TMEM132D: variants seen among roughly 807,000 people sequenced by gnomAD.
TMEM132D encodes mature OL transmembrane protein.
TMEM132D carries 21 observed loss-of-function variants against 62.3 expected under a neutral mutation model. The observed-to-expected ratio is 0.34, with a 90% CI of 0.24 to 0.49. The LOEUF is 0.49. Ranked by LOEUF, TMEM132D falls within the 20% of genes least tolerant of loss-of-function variation. The probability of loss-of-function intolerance (pLI) is 0.99; values close to 1 mark genes in which losing one functional copy is unlikely to be tolerated. For synonymous variants in TMEM132D, 621 were observed against 575.6 expected (o/e 1.08, Z -1.13); for missense variants, 1,346 against 1,402.8 (o/e 0.96, Z 0.65).
chr12:129,326,113 A>G (rs912243993), intron 4 of TMEM132D, among the ~76,000 whole-genome samples: 3 of 152,218 alleles, frequency 2.0e-5, no homozygotes, highest in Admixed American at 6.5e-5. Flanking sequence ...TCAAGCAAAA[A>G]TGCAGCTCAA....
intron 4 of TMEM132D, among the ~76,000 whole-genome samples, chr12:129,268,978 A>T (rs988778028): frequency 7.5e-6 from 1 of 132,712 alleles, no homozygotes; most frequent in South Asian, 2.4e-4. Context: ...GTGAGAACAC[A>T]TGGACATAGG....
chr12:129,560,270 C>CTTTTTTTTTTTT, intron 2 of TMEM132D, among the ~76,000 whole-genome samples: 1 of 146,086 alleles, frequency 6.8e-6, no homozygotes, highest in Non-Finnish European at 1.5e-5. Context: ...CTTTTGTTTT[C>CTTTTTTTTTTTT]TTTTTTTTTT....
At position 129,903,891 on chromosome 12, in the gene TMEM132D, G is replaced by A. The variant is rs1440330678; in HGVS notation, c.-552C>T. ...GCCCCCATCCCAGGCCGGCCGCTGCGCCTCGGGGCTCGGGCGCGCGCGCGC... is the reference window on the plus strand; with the variant it reads ...GCCCCCATCCCAGGCCGGCCGCTGCACCTCGGGGCTCGGGCGCGCGCGCGC... On this transcript the variant is annotated 5_prime_UTR_variant, in exon 1 of 9. Transcript: ENST00000422113. This position sits in a 1 kb window ranked among gnomAD's most constrained non-coding sequence, Gnocchi z 6.2. Among the ~76,000 whole-genome samples the A allele has an allele frequency of 1.4e-5, 2 of 147,070 alleles. No homozygotes were observed. The highest frequency in any genetic ancestry group is 3.0e-5 in the Non-Finnish European group (2 of 66,098).
At chr12:129,310,733 A>G (rs1173947711) in intron 4 of TMEM132D, among the ~76,000 whole-genome samples, 1 of 152,212 alleles carries the variant, frequency 6.6e-6, no homozygotes, top group African/African-American at 2.4e-5. Flanking sequence ...AATTTGTCAG[A>G]GTCATCAGAT....
At position 129,627,963 on chromosome 12, in the gene TMEM132D, C is replaced by T. The variant is rs548192226; in HGVS notation, c.968+71847G>A. ...GATCGCATCACTGTACTCCAGCCTG[C>T]GTGACAAAGTGAGATCTTGTCTCCA... On this transcript the variant is annotated intron_variant, in intron 2 of 8. Coordinates refer to ENST00000422113, the MANE Select transcript of TMEM132D (RefSeq NM_133448.3). Among the ~76,000 whole-genome samples the T allele has an allele frequency of 4.1e-4, 62 of 152,194 alleles. 1 individual carries two copies. Among genetic ancestry groups the T allele is most frequent in the African/African-American group, 1.4e-3 (60 of 41,544 alleles).
chr12:129,638,317 A>C (rs972679033), intron 2 of TMEM132D, among the ~76,000 whole-genome samples: 6 of 151,574 alleles, frequency 4.0e-5, no homozygotes, highest in Non-Finnish European at 5.9e-5. Context: ...TCCAACCTTT[A>C]CCCCCAAATT....
chr12:129,574,563 T>C (rs986665137), intron 2 of TMEM132D, among the ~76,000 whole-genome samples: 1 of 151,870 alleles, frequency 6.6e-6, no homozygotes, highest in Admixed American at 6.6e-5. Context: ...TTCGTGTTTA[T>C]TGAGTTGTTG....
At chr12:129,294,873 C>T (rs1195334031) in intron 4 of TMEM132D, among the ~76,000 whole-genome samples, 1 of 152,120 alleles carries the variant, frequency 6.6e-6, no homozygotes, top group South Asian at 2.1e-4. Context: ...CTGTTTTCTC[C>T]AGTTTGGTGG....
chr12:129,796,280 T>C (rs1274820230), intron 1 of TMEM132D, among the ~76,000 whole-genome samples: 2 of 152,236 alleles, frequency 1.3e-5, no homozygotes, highest in Admixed American at 6.5e-5. Flanking sequence ...ACAATATTTT[T>C]ATTCAGTTTG....
chr12:129,442,044 C>T (rs930971287), intron 3 of TMEM132D, among the ~76,000 whole-genome samples: 11 of 152,162 alleles, frequency 7.2e-5, no homozygotes, highest in African/African-American at 2.4e-5. Context: ...ATGCTCACTT[C>T]CTGGGTGACA....
At chr12:129,187,311 G>A (rs555707141) in intron 5 of TMEM132D, among the ~76,000 whole-genome samples, 147 of 152,290 alleles carry the variant, frequency 9.7e-4, no homozygotes, top group South Asian at 6.4e-3. Context: ...ACAAAATTGG[G>A]AGGATTTATT....
chr12:129,546,050 G>C (rs559299175), intron 2 of TMEM132D, among the ~76,000 whole-genome samples: 9 of 152,184 alleles, frequency 5.9e-5, no homozygotes, highest in African/African-American at 1.9e-4. Flanking sequence ...AGGTGCAATG[G>C]GGCACTCTGT....
intron 1 of TMEM132D, among the ~76,000 whole-genome samples, chr12:129,850,114 G>A (rs2137351952): frequency 6.6e-6 from 1 of 152,264 alleles, no homozygotes; most frequent in Admixed American, 6.5e-5. Flanking sequence ...GTATTTTGTG[G>A]GAGAGCTGAG....
intron 1 of TMEM132D, among the ~76,000 whole-genome samples, chr12:129,762,457 C>T (rs1162213840): frequency 6.6e-6 from 1 of 152,034 alleles, no homozygotes; most frequent in Non-Finnish European, 1.5e-5. Context: ...GACCATCATT[C>T]CCATGATGTT....
intron 3 of TMEM132D, among the ~76,000 whole-genome samples, chr12:129,465,727 G>C (rs2137043032): frequency 6.6e-6 from 1 of 152,334 alleles, no homozygotes; most frequent in South Asian, 2.1e-4. Flanking sequence ...CTGTCACCCA[G>C]GCTGGAGTGC....
intron 1 of TMEM132D, among the ~76,000 whole-genome samples, chr12:129,874,996 T>TA (rs1306965542): frequency 3.3e-5 from 5 of 152,192 alleles, no homozygotes; most frequent in Non-Finnish European, 5.9e-5. Flanking sequence ...TTTTAATGGC[T>TA]AAAAAGAAAT....
intron 2 of TMEM132D, among the ~76,000 whole-genome samples, chr12:129,692,230 C>T (rs1881079639): frequency 6.6e-6 from 1 of 152,186 alleles, no homozygotes; most frequent in African/African-American, 2.4e-5. Context: ...AAGAATTACA[C>T]ACCACACTCA....
intron 7 of TMEM132D, 62 bp downstream of exon 7, chr12:129,081,697 G>T (rs570142144): frequency 1.3e-6 from 2 of 1,516,146 alleles, no homozygotes; most frequent in Non-Finnish European, 1.8e-6. Flanking sequence ...TTCTCCTCTA[G>T]GTAGAGCAGA....
chr12:129,424,173 T>C (rs1278430859), intron 3 of TMEM132D, among the ~76,000 whole-genome samples: 1 of 149,474 alleles, frequency 6.7e-6, no homozygotes, highest in Admixed American at 6.8e-5. Flanking sequence ...ATGATTTACT[T>C]TCAAAGAAGC....
Sources: gnomAD v4.1 joint callset for allele counts (sites outside exome capture counted in the v4.1 genomes callset) on GRCh38, gnomAD v4.1.1 for gene constraint, Gnocchi (gnomAD v3.1) non-coding constraint, MANE v1.5 for transcripts, NCBI Gene and HGNC (gene_info 2026-07-23, HGNC 2026-07-21) for gene names.